SAXO1: variants seen among roughly 807,000 people sequenced by gnomAD.
SAXO1 encodes stabilizer of axonemal microtubules 1, also known as 4930500O09Rik.
Under a neutral mutation model 17.5 loss-of-function variants are expected in SAXO1, and 21 were observed. The ratio of observed to expected loss-of-function variants is 1.20; its 90% CI spans 0.85 to 1.72. The LOEUF is 1.72. SAXO1 is among the 40% of genes most tolerant of loss of function. The probability of loss-of-function intolerance (pLI) is 0.00; values close to 1 mark genes in which losing one functional copy is unlikely to be tolerated. For synonymous variants in SAXO1, 274 were observed against 216.5 expected (o/e 1.27, Z -2.33); for missense variants, 843 against 596.0 (o/e 1.41, Z -4.32).
rs373088478 is a variant in SAXO1 at position 19,032,944 on chromosome 9, C to T, written c.-36G>A. ...CTGAGGCCCTGACGTCCCCTCAGAG[C>T]ATCGCCAGCTGCAGCCGACTCCTAG... On this transcript the variant is annotated 5_prime_UTR_variant, in exon 1 of 4. An upstream start codon of the reference 5' UTR is lost. Coordinates refer to ENST00000380534, the MANE Select transcript of SAXO1 (RefSeq NM_153707.4). 6.8e-5 allele frequency: 108 copies of T among 1,595,308 alleles called. No individual in the cohort carries two copies. The African/African-American group carries it at 1.3e-3, about 19-fold the overall frequency.
At chr9:19,011,270 C>G (rs1006491506) in intron 1 of SAXO1, among the ~76,000 whole-genome samples, 1 of 152,212 alleles carries the variant, frequency 6.6e-6, no homozygotes, top group Non-Finnish European at 1.5e-5. Flanking sequence ...TCCTATCAAA[C>G]TACCTGCTGA....
rs1835843840 is a variant in SAXO1, at chr9:19,033,175, C to T, written c.-267G>A. ...CCCTGCACGCCACCGCCCCGGCCTC[C>T]GCAGTCCAGACTTAAGCACCTGGAG... On this transcript the variant is annotated 5_prime_UTR_variant, in exon 1 of 4. Coordinates refer to ENST00000380534, the MANE Select transcript of SAXO1 (RefSeq NM_153707.4). 4.9e-6 allele frequency: 2 copies of T among 412,122 alleles called. No homozygotes were observed. The highest frequency in any genetic ancestry group is 8.6e-6 in the Non-Finnish European group (2 of 231,714). 25.5% of individuals were successfully genotyped at this position (412,122 alleles called of 1,614,324 possible).
intron 3 of SAXO1, among the ~76,000 whole-genome samples, chr9:18,935,486 C>T (rs1046685837): frequency 2.6e-5 from 4 of 152,130 alleles, no homozygotes; most frequent in Admixed American, 2.0e-4. Context: ...CTCTGATTGC[C>T]CTTGAGCCTG....
chr9:18,973,613 G>T lies in SAXO1; in HGVS notation c.39-22676C>A, dbSNP rs149701598. The stretch of plus-strand genomic sequence containing the variant: ...TGCTGCACTGGATAAGACAAGCTGG[G>T]TGTCTCATCTGTCAACTGATTCCAG... On this transcript the variant is annotated intron_variant, in intron 1 of 3. Transcript: ENST00000380534. Among the ~76,000 whole-genome samples, 8 of 152,318 alleles carry T rather than the reference G, an allele frequency of 5.3e-5. No individual in the cohort carries two copies. The East Asian group carries it at 1.5e-3, about 29-fold the overall frequency.
At chr9:18,985,239 T>C (rs1833546457) in intron 1 of SAXO1, among the ~76,000 whole-genome samples, 1 of 152,130 alleles carries the variant, frequency 6.6e-6, no homozygotes. Flanking sequence ...AGAATTTAAA[T>C]AGTAACATCA....
intron 1 of SAXO1, among the ~76,000 whole-genome samples, chr9:19,018,502 C>T (rs563264387): frequency 4.3e-4 from 65 of 152,286 alleles, no homozygotes; most frequent in African/African-American, 1.5e-3. Context: ...TGCAATGGAA[C>T]GTGTTTCAAA....
intron 1 of SAXO1, among the ~76,000 whole-genome samples, chr9:19,022,783 G>A (rs1835302800): frequency 6.6e-6 from 1 of 152,142 alleles, no homozygotes; most frequent in Non-Finnish European, 1.5e-5. Context: ...TAATTTGACA[G>A]CCATTTAGAA....
intron 1 of SAXO1, among the ~76,000 whole-genome samples, chr9:18,995,962 C>A (rs564514204): frequency 9.2e-5 from 14 of 151,842 alleles, no homozygotes; most frequent in African/African-American, 3.4e-4. Flanking sequence ...GCCTGTAATC[C>A]CAGCTATTCG....
At chr9:18,955,703 C>T (rs1286867946) in intron 1 of SAXO1, among the ~76,000 whole-genome samples, 2 of 152,116 alleles carry the variant, frequency 1.3e-5, no homozygotes, top group African/African-American at 2.4e-5. Flanking sequence ...CACCAAGTTT[C>T]GGTTTTATGC....
In SAXO1 at chr9:18,950,843, G is replaced by A; in HGVS notation, c.133C>T (p.His45Tyr). The part of the protein sequence containing the change: ...SEYTENYPFY[H>Y]SYLPRESFKP... Reference sequence around the variant, plus strand: ...AAGGACTCTCTGGGCAGGTAGGAGTGATAGAAAGGGTAGTTCTCGGTATAT... The same window carrying A: ...AAGGACTCTCTGGGCAGGTAGGAGTAATAGAAAGGGTAGTTCTCGGTATAT... The change falls in exon 2 of 4, where the codon CAC becomes TAC. Residue 45 changes from histidine to tyrosine, a missense_variant. His to Tyr is a moderately conservative substitution (Grantham distance 83, BLOSUM62 2). Coordinates refer to ENST00000380534, the MANE Select transcript of SAXO1 (RefSeq NM_153707.4). 1 of 1,613,856 alleles carries A rather than the reference G, an allele frequency of 6.2e-7. No homozygotes were observed. Among genetic ancestry groups the A allele is most frequent in the Non-Finnish European group, 8.5e-7 (1 of 1,179,778 alleles).
chr9:19,026,552 T>C (rs1835479116), intron 1 of SAXO1, among the ~76,000 whole-genome samples: 1 of 152,118 alleles, frequency 6.6e-6, no homozygotes, highest in Non-Finnish European at 1.5e-5. Context: ...AATTTAGTCA[T>C]CTGGGAAAGA....
rs1321087426 is a variant in SAXO1 at position 18,928,237 on chromosome 9, G to C, written c.1240C>G (p.Pro414Ala). 3 of 1,613,976 alleles carry C rather than the reference G, an allele frequency of 1.9e-6. No individual in the cohort carries two copies. The African/African-American group carries it at 4.0e-5, about 22-fold the overall frequency. Residue 414 changes from proline to alanine, a missense_variant, in exon 4 of 4, where the codon CCC becomes GCC. Transcript: ENST00000380534. ...GCTAGGCACCTGCCCATTTCCTTGG[G>C]AGTAAAGCTGATGGTGTAGGTGGTC... ...SQTTYTISFT[P>A]KEMGRCLASY...
chr9:19,044,853 A>T (rs1836170323), intron 1 of SAXO1, among the ~76,000 whole-genome samples: 1 of 151,208 alleles, frequency 6.6e-6, no homozygotes, highest in Non-Finnish European at 1.5e-5. Context: ...AGAGTGCGAG[A>T]CTCCGTTTCA....
upstream of SAXO1, among the ~76,000 whole-genome samples, chr9:19,035,448 A>G (rs1229079363): frequency 6.6e-6 from 1 of 152,194 alleles, no homozygotes; most frequent in African/African-American, 2.4e-5. Flanking sequence ...TCCCAGTCTC[A>G]GATATGTCTT....
chr9:18,993,272 C>A (rs1011018628), intron 1 of SAXO1, among the ~76,000 whole-genome samples: 15 of 148,172 alleles, frequency 1.0e-4, no homozygotes, highest in African/African-American at 3.7e-4. Context: ...CCTCCCCTTG[C>A]CCCCCACCCC....
intron 1 of SAXO1, among the ~76,000 whole-genome samples, chr9:18,996,580 C>T (rs1009824997): frequency 6.6e-6 from 1 of 152,140 alleles, no homozygotes; most frequent in Non-Finnish European, 1.5e-5. Flanking sequence ...TGTTCTTATG[C>T]AGCACATGAC....
intron 2 of SAXO1, among the ~76,000 whole-genome samples, chr9:18,944,891 G>C (rs1315161658): frequency 6.6e-6 from 1 of 152,182 alleles, no homozygotes; most frequent in Admixed American, 6.5e-5. Context: ...CAAACTTGAA[G>C]ATATATTAGT....
At chr9:18,996,359 G>C (rs933495073) in intron 1 of SAXO1, among the ~76,000 whole-genome samples, 6 of 152,204 alleles carry the variant, frequency 3.9e-5, no homozygotes, top group African/African-American at 1.4e-4. Context: ...ACATCTCAGA[G>C]TTTACTTATG....
chr9:18,942,508 C>T (rs1588416227), intron 2 of SAXO1, among the ~76,000 whole-genome samples: 1 of 152,196 alleles, frequency 6.6e-6, no homozygotes, highest in East Asian at 1.9e-4. Context: ...AAAGCTTCTC[C>T]TGCTAATGTT....
Sources: allele counts gnomAD v4.1 joint callset (sites outside exome capture counted in the v4.1 genomes callset), GRCh38; gene constraint gnomAD v4.1.1; transcripts MANE v1.5; gene names NCBI Gene and HGNC (gene_info 2026-07-23, HGNC 2026-07-21).